Variants in WWOX observed in about 807,000 individuals in gnomAD.
The protein encoded by WWOX is WW domain-containing oxidoreductase.
In WWOX, 69 loss-of-function variants were observed where a neutral mutation model predicts 46.2. The ratio of observed to expected loss-of-function variants is 1.49; its 90% confidence interval spans 1.23 to 1.82. The LOEUF is 1.82. Ranked by LOEUF, WWOX falls within the 40% of genes most tolerant of loss-of-function variation. The probability of loss-of-function intolerance (pLI) is 0.00; values close to 1 mark genes in which losing one functional copy is unlikely to be tolerated. For missense variants in WWOX, 919 were observed against 542.6 expected (o/e 1.69, Z -6.89); for synonymous variants, 359 against 202.6 (o/e 1.77, Z -6.56).
At chr16:78,337,650 T>C (rs557101074) in intron 5 of WWOX, among the ~76,000 whole-genome samples, 1 of 152,178 alleles carries the variant, frequency 6.6e-6, no homozygotes, top group South Asian at 2.1e-4. Flanking sequence ...GAAAGTGTTA[T>C]TAAAAGTACT....
At chr16:78,469,711 A>G (rs536184927) in intron 8 of WWOX, among the ~76,000 whole-genome samples, 1 of 152,278 alleles carries the variant, frequency 6.6e-6, no homozygotes, top group South Asian at 2.1e-4. Context: ...AGGCTGGGCC[A>G]TGGGTTGTGT....
chr16:78,464,777 G>A (rs1389694559), intron 8 of WWOX, among the ~76,000 whole-genome samples: 3 of 152,162 alleles, frequency 2.0e-5, no homozygotes, highest in Non-Finnish European at 4.4e-5. Flanking sequence ...AATGGCCACT[G>A]CAACTCTCTG....
In WWOX at chr16:78,187,257, T is replaced by C. The variant is rs191672154; in HGVS notation, c.516+22968T>C. Among the ~76,000 whole-genome samples, 33 of 152,304 alleles carry C rather than the reference T, an allele frequency of 2.2e-4. No homozygotes were observed. In the East Asian group the frequency reaches 5.4e-3, roughly 25 times the overall value. On this transcript the variant is annotated intron_variant, in intron 5 of 8. Coordinates refer to ENST00000566780, the MANE Select transcript of WWOX (RefSeq NM_016373.4). ...CCACCCTTCACACATGGCCGAGTTA[T>C]GCCAAACTTTGCAAGAGGTGCCAGG...
At chr16:78,689,640 T>C (rs1463856724) in intron 8 of WWOX, among the ~76,000 whole-genome samples, 2 of 152,162 alleles carry the variant, frequency 1.3e-5, no homozygotes, top group African/African-American at 4.8e-5. Flanking sequence ...GTTGGAATAC[T>C]CCTACCCTTG....
At chr16:78,966,728 A>G (rs2046369305) in intron 8 of WWOX, among the ~76,000 whole-genome samples, 1 of 152,200 alleles carries the variant, frequency 6.6e-6, no homozygotes, top group Non-Finnish European at 1.5e-5. Context: ...ATATATTGCA[A>G]AACTCTTTTC....
intron 5 of WWOX, among the ~76,000 whole-genome samples, chr16:78,202,420 A>G (rs1304610575): frequency 6.6e-6 from 1 of 152,106 alleles, no homozygotes; most frequent in African/African-American, 2.4e-5. Context: ...GGCTTTATCC[A>G]TTTTAAGCCT....
At chr16:78,964,765 C>T (rs1171611174) in intron 8 of WWOX, among the ~76,000 whole-genome samples, 1 of 152,186 alleles carries the variant, frequency 6.6e-6, no homozygotes, top group Non-Finnish European at 1.5e-5. Context: ...GGCCTGAAGT[C>T]CCAGGAGGAA....
At chr16:78,899,004 G>T (rs1271119656) in intron 8 of WWOX, 2 of 151,832 alleles carry the variant, frequency 1.3e-5, no homozygotes, top group Non-Finnish European at 2.9e-5. Context: ...TTTCCTTTTT[G>T]TTAAATAGAT....
chr16:79,199,162 A>G (rs2051298083), intron 8 of WWOX, among the ~76,000 whole-genome samples: 1 of 152,180 alleles, frequency 6.6e-6, no homozygotes, highest in Non-Finnish European at 1.5e-5. Context: ...TCCTGGCTTC[A>G]AGCCATCCTC....
At chr16:78,780,591 C>T (rs1292336638) in intron 8 of WWOX, 2 of 152,150 alleles carry the variant, frequency 1.3e-5, no homozygotes, top group Non-Finnish European at 2.9e-5. Context: ...GTGGAAGCAA[C>T]TTCGGGGGAG....
intron 8 of WWOX, among the ~76,000 whole-genome samples, chr16:78,764,060 C>G (rs145739911): frequency 4.6e-5 from 7 of 152,146 alleles, no homozygotes; most frequent in Non-Finnish European, 1.0e-4. Flanking sequence ...AATATTTGCT[C>G]AGAGAGATCC....
intron 8 of WWOX, among the ~76,000 whole-genome samples, chr16:78,536,655 A>G (rs915579655): frequency 1.1e-4 from 16 of 152,128 alleles, no homozygotes; most frequent in Non-Finnish European, 2.2e-4. Flanking sequence ...AAAGCTGAGC[A>G]TGGGATTGTG....
chr16:78,835,823 G>C (rs1168014195), intron 8 of WWOX, among the ~76,000 whole-genome samples: 1 of 152,044 alleles, frequency 6.6e-6, no homozygotes, highest in Non-Finnish European at 1.5e-5. Flanking sequence ...AACTTCTTTT[G>C]GTAGGAAAAG....
At chr16:78,653,502 T>C (rs1043897372) in intron 8 of WWOX, among the ~76,000 whole-genome samples, 1 of 152,216 alleles carries the variant, frequency 6.6e-6, no homozygotes, top group African/African-American at 2.4e-5. Context: ...CCAATGGATA[T>C]GGAGGGTGCT....
At chr16:78,640,246 T>C (rs953926244) in intron 8 of WWOX, among the ~76,000 whole-genome samples, 3 of 145,802 alleles carry the variant, frequency 2.1e-5, no homozygotes, top group Non-Finnish European at 3.0e-5. Flanking sequence ...TTTTTTTTTT[T>C]TTTTTTTTGG....
chr16:78,587,245 A>G (rs1245671902), intron 8 of WWOX, among the ~76,000 whole-genome samples: 1 of 129,690 alleles, frequency 7.7e-6, no homozygotes, highest in African/African-American at 2.9e-5. Context: ...TATGTTGCCC[A>G]GGCTTGTCTT....
chr16:79,012,319 A>C (rs141105643), intron 8 of WWOX, among the ~76,000 whole-genome samples: 14 of 152,110 alleles, frequency 9.2e-5, no homozygotes, highest in African/African-American at 3.1e-4. Flanking sequence ...TGCAACCTAC[A>C]CTTCCTGGAT....
intron 8 of WWOX, among the ~76,000 whole-genome samples, chr16:79,178,836 AT>A (rs550074986): frequency 4.6e-5 from 7 of 152,080 alleles, no homozygotes; most frequent in South Asian, 2.1e-4. Context: ...AATAGAAACA[AT>A]TTTTTTTGTT....
At chr16:78,745,303 T>C (rs899049280) in intron 8 of WWOX, among the ~76,000 whole-genome samples, 1 of 152,190 alleles carries the variant, frequency 6.6e-6, no homozygotes. Flanking sequence ...CTTCCCCGCC[T>C]TCCTCCACCT....
Sources: allele counts gnomAD v4.1 joint callset (sites outside exome capture counted in the v4.1 genomes callset), GRCh38; gene constraint gnomAD v4.1.1; transcripts MANE v1.5; gene names NCBI Gene and HGNC (gene_info 2026-07-23, HGNC 2026-07-21).